Variants in COBL observed in about 807,000 individuals in gnomAD.
The protein encoded by COBL is cordon-bleu WH2 repeat protein, also known as protein cordon-bleu.
Under a neutral mutation model 98.8 loss-of-function variants are expected in COBL, and 51 were observed. The observed-to-expected ratio is 0.52, with a 90% CI of 0.41 to 0.65. The LOEUF is 0.65. Among genes scored for constraint, COBL ranks in the 30% least tolerant of loss-of-function variants. The probability of loss-of-function intolerance (pLI) is 0.00; values close to 1 mark genes in which losing one functional copy is unlikely to be tolerated. For synonymous variants in COBL, 634 were observed against 651.7 expected (o/e 0.97, Z 0.41); for missense variants, 1,617 against 1,617.5 (o/e 1.00, Z 0.01).
intron 5 of COBL, among the ~76,000 whole-genome samples, chr7:51,176,805 G>A (rs1439970835): frequency 6.6e-6 from 1 of 152,062 alleles, no homozygotes. Context: ...CTTTATTTTT[G>A]TCTATGTTTG....
intron 1 of COBL, among the ~76,000 whole-genome samples, chr7:51,245,474 G>A (rs995745941): frequency 6.6e-6 from 1 of 152,184 alleles, no homozygotes; most frequent in Non-Finnish European, 1.5e-5. Context: ...CCTTGGATTG[G>A]ACAATTCTGT....
rs138592316 is a variant in COBL at position 51,028,649 on chromosome 7, G to A, written c.2447C>T (p.Pro816Leu). The A allele has an allele frequency of 4.7e-5, 76 of 1,612,976 alleles. No individual in the cohort carries two copies. The highest frequency in any genetic ancestry group is 6.4e-5 in the Non-Finnish European group (75 of 1,179,394). ...CTCATGGTGGGCAGACTTCTGCTGG[G>A]GCGATATTGGCTTGGGGTCTGCTTG... ...RLQADPKPIS[P>L]QQKSAHHEGR... is the part of the protein sequence containing the mutation. Residue 816 changes from proline (P) to leucine (L), a missense_variant, in exon 10 of 13, where the codon CCC becomes CTC. Pro to Leu is a moderately conservative substitution (Grantham distance 98). Around this residue, in one of 3 missense-constraint regions of COBL, gnomAD observed 1,304 missense variants for 1,282.0 expected, o/e 1.02. Coordinates refer to ENST00000265136, the MANE Select transcript of COBL (RefSeq NM_015198.5).
At chr7:51,159,238 G>C (rs1468424193) in intron 5 of COBL, among the ~76,000 whole-genome samples, 1 of 152,210 alleles carries the variant, frequency 6.6e-6, no homozygotes, top group Non-Finnish European at 1.5e-5. Flanking sequence ...CAGGTGCTGG[G>C]AAGTGGAGCC....
chr7:51,267,967 G>A (rs1798376815), intron 1 of COBL, among the ~76,000 whole-genome samples: 1 of 152,140 alleles, frequency 6.6e-6, no homozygotes, highest in Non-Finnish European at 1.5e-5. Flanking sequence ...CACACCCGGG[G>A]GCCTGTACCT....
At chr7:51,108,623 C>A (rs1238986817) in intron 6 of COBL, among the ~76,000 whole-genome samples, 1 of 152,188 alleles carries the variant, frequency 6.6e-6, no homozygotes, top group African/African-American at 2.4e-5. Context: ...GTATTCCCAT[C>A]CTGTGGCCTC....
At chr7:51,150,321 T>A (rs1362988474) in intron 5 of COBL, among the ~76,000 whole-genome samples, 1 of 152,170 alleles carries the variant, frequency 6.6e-6, no homozygotes, top group East Asian at 1.9e-4. Flanking sequence ...ACATTTCTGA[T>A]AGTGCTCATG....
At chr7:51,266,758 GTTTTT>G (rs1380444928) in intron 1 of COBL, among the ~76,000 whole-genome samples, 3 of 152,048 alleles carry the variant, frequency 2.0e-5, no homozygotes, top group African/African-American at 7.2e-5. Flanking sequence ...CCCACACACA[GTTTTT>G]TTCCACATGT....
At chr7:51,023,692 T>G (rs74844269) in intron 12 of COBL, among the ~76,000 whole-genome samples, 3,107 of 152,280 alleles carry the variant, frequency 0.02, 111 homozygotes, top group African/African-American at 0.07. Context: ...CCTCCTCCAT[T>G]CTCAGTGCCC....
intron 1 of COBL, among the ~76,000 whole-genome samples, chr7:51,298,999 A>G (rs1801665149): frequency 6.6e-6 from 1 of 152,212 alleles, no homozygotes; most frequent in East Asian, 1.9e-4. Context: ...GGAGTCAGGG[A>G]GGCAACATCT....
chr7:51,039,706 C>A (rs1215186265), intron 8 of COBL, among the ~76,000 whole-genome samples: 1 of 152,194 alleles, frequency 6.6e-6, no homozygotes, highest in Admixed American at 6.5e-5. Flanking sequence ...CTTGTTTCTC[C>A]CAAAGAGAAG....
intron 6 of COBL, among the ~76,000 whole-genome samples, chr7:51,129,900 A>C (rs1798573460): frequency 6.6e-6 from 1 of 152,174 alleles, no homozygotes; most frequent in Non-Finnish European, 1.5e-5. Flanking sequence ...GCGAAGGTGT[A>C]AAGAAGATTC....
At chr7:51,178,733 C>T (rs937621712) in intron 5 of COBL, among the ~76,000 whole-genome samples, 6 of 151,960 alleles carry the variant, frequency 3.9e-5, no homozygotes, top group South Asian at 2.1e-4. Context: ...CTCAGTTTCC[C>T]GAGTAGCTGG....
intron 1 of COBL, among the ~76,000 whole-genome samples, chr7:51,292,109 T>C (rs1309992519): frequency 6.7e-6 from 1 of 149,196 alleles, no homozygotes; most frequent in African/African-American, 2.5e-5. Flanking sequence ...ATTGTGCCAC[T>C]GCACTCCAGC....
chr7:51,110,212 C>T (rs577521831), intron 6 of COBL, among the ~76,000 whole-genome samples: 10 of 152,166 alleles, frequency 6.6e-5, no homozygotes, highest in African/African-American at 9.7e-5. Flanking sequence ...CTTATTCCTT[C>T]GACCTAATTG....
chr7:51,180,586 G>A (rs1334159921), intron 5 of COBL, among the ~76,000 whole-genome samples: 2 of 152,172 alleles, frequency 1.3e-5, no homozygotes, highest in East Asian at 1.9e-4. Flanking sequence ...TATAATAAGT[G>A]TAAAACTAAT....
intron 1 of COBL, among the ~76,000 whole-genome samples, chr7:51,274,222 G>C (rs968986783): frequency 6.6e-6 from 1 of 152,090 alleles, no homozygotes; most frequent in East Asian, 1.9e-4. Context: ...ACCCAGCCTT[G>C]CTGCAACGCC....
intron 2 of COBL, among the ~76,000 whole-genome samples, chr7:51,197,042 T>C (rs958675720): frequency 2.6e-5 from 4 of 152,136 alleles, no homozygotes; most frequent in Non-Finnish European, 5.9e-5. Context: ...AGCTCTGATT[T>C]TGGTTATTTC....
intron 1 of COBL, among the ~76,000 whole-genome samples, chr7:51,226,210 C>A (rs985909090): frequency 5.3e-5 from 8 of 152,184 alleles, no homozygotes; most frequent in African/African-American, 1.9e-4. Context: ...TGGCTGCTGG[C>A]AAACCGCATG....
chr7:51,312,918 CTA>C (rs1317743194), intron 1 of COBL, among the ~76,000 whole-genome samples: 2 of 152,066 alleles, frequency 1.3e-5, no homozygotes, highest in Non-Finnish European at 2.9e-5. Context: ...TGCTCTGAGA[CTA>C]TGTGATATTG....
Sources: gnomAD v4.1 joint callset for allele counts (sites outside exome capture counted in the v4.1 genomes callset) on GRCh38, gnomAD v4.1.1 for gene constraint, gnomAD v4.1.1 regional missense constraint, MANE v1.5 for transcripts, NCBI Gene and HGNC (gene_info 2026-07-23, HGNC 2026-07-21) for gene names.